The following KCNH7 variants were observed in gnomAD, a reference collection of about 807,000 sequenced individuals.
KCNH7 encodes the protein voltage-gated inwardly rectifying potassium channel KCNH7.
In KCNH7, 49 loss-of-function variants were observed where a neutral mutation model predicts 120.8. The observed-to-expected ratio is 0.41, with a 90% confidence interval of 0.32 to 0.51. KCNH7 has a LOEUF of 0.51. Ranked by LOEUF, KCNH7 falls within the 20% of genes least tolerant of loss-of-function variation. The probability of loss-of-function intolerance (pLI) is 0.38; values close to 1 mark genes in which losing one functional copy is unlikely to be tolerated. For missense variants in KCNH7, 1,097 were observed against 1,446.6 expected (o/e 0.76, Z 3.92); for synonymous variants, 547 against 516.1 (o/e 1.06, Z -0.81).
At chr2:162,520,835 C>T (rs1691498499) in intron 3 of KCNH7, among the ~76,000 whole-genome samples, 1 of 151,744 alleles carries the variant, frequency 6.6e-6, no homozygotes, top group Non-Finnish European at 1.5e-5. Context: ...CCCTGTGCTC[C>T]CCTGCTACCA....
At chr2:162,423,222 G>A (rs748017473) in intron 9 of KCNH7, 114 bp downstream of exon 9, 30 of 1,588,898 alleles carry the variant, frequency 1.9e-5, no homozygotes, top group Admixed American at 3.4e-5. Flanking sequence ...ATACACATCC[G>A]AGAGAAGAAA....
chr2:162,830,656 G>A (rs1479219928), intron 2 of KCNH7, among the ~76,000 whole-genome samples: 1 of 152,118 alleles, frequency 6.6e-6, no homozygotes, highest in East Asian at 1.9e-4. Flanking sequence ...CCCAACATGA[G>A]AGTAGTAAGA....
intron 3 of KCNH7, among the ~76,000 whole-genome samples, chr2:162,535,768 G>T (rs1009694294): frequency 6.6e-6 from 1 of 151,584 alleles, no homozygotes; most frequent in African/African-American, 2.4e-5. Context: ...AAGGGATCAT[G>T]GTATATTAGT....
At chr2:162,425,371 A>G (rs1396161529) in intron 8 of KCNH7, among the ~76,000 whole-genome samples, 1 of 152,020 alleles carries the variant, frequency 6.6e-6, no homozygotes, top group African/African-American at 2.4e-5. Context: ...GTGAGGCTGA[A>G]TTGGCATGTA....
intron 2 of KCNH7, among the ~76,000 whole-genome samples, chr2:162,682,277 C>T (rs981896005): frequency 5.3e-5 from 8 of 151,698 alleles, no homozygotes; most frequent in African/African-American, 1.9e-4. Flanking sequence ...AGAATGATAA[C>T]ACATACATGT....
intron 3 of KCNH7, among the ~76,000 whole-genome samples, chr2:162,521,737 AT>A (rs1691532451): frequency 1.3e-5 from 2 of 151,848 alleles, no homozygotes; most frequent in Admixed American, 6.6e-5. Context: ...AGCATTTATC[AT>A]TTTTTGTGTC....
intron 2 of KCNH7, among the ~76,000 whole-genome samples, chr2:162,696,903 T>G (rs1686311502): frequency 6.6e-6 from 1 of 151,910 alleles, no homozygotes; most frequent in African/African-American, 2.4e-5. Context: ...TTTAAAACTC[T>G]AACTGGTCTT....
chr2:162,695,329 G>A (rs955504780), intron 2 of KCNH7, among the ~76,000 whole-genome samples: 3 of 152,082 alleles, frequency 2.0e-5, no homozygotes, highest in African/African-American at 7.2e-5. Flanking sequence ...TAGGGAGGGT[G>A]GTGATGGTTG....
intron 2 of KCNH7, among the ~76,000 whole-genome samples, chr2:162,572,219 A>T (rs549479043): frequency 1.3e-5 from 2 of 152,112 alleles, no homozygotes; most frequent in East Asian, 3.9e-4. Flanking sequence ...AAACAACCCC[A>T]TCAAAAAGTG....
At chr2:162,754,967 G>A (rs568859465) in intron 2 of KCNH7, among the ~76,000 whole-genome samples, 3 of 152,094 alleles carry the variant, frequency 2.0e-5, no homozygotes, top group East Asian at 1.9e-4. Context: ...CTATTCTGTC[G>A]TGAATCTAAT....
chr2:162,693,181 T>C (rs1457567465), intron 2 of KCNH7, among the ~76,000 whole-genome samples: 2 of 152,186 alleles, frequency 1.3e-5, no homozygotes, highest in African/African-American at 4.8e-5. Flanking sequence ...CTTGTTAAAA[T>C]TGCTCATTGA....
intron 12 of KCNH7, among the ~76,000 whole-genome samples, chr2:162,390,584 C>T (rs1301625163): frequency 6.6e-6 from 1 of 151,906 alleles, no homozygotes; most frequent in Non-Finnish European, 1.5e-5. Context: ...TTTTATTCTT[C>T]ACTTTCTGTA....
In KCNH7 at chr2:162,376,030, A is replaced by C. The variant is rs935347230; in HGVS notation, c.3132-2368T>G. Among the ~76,000 whole-genome samples, 2 of 152,174 alleles carry C rather than the reference A, an allele frequency of 1.3e-5. 1 individual carries two copies. The highest frequency in any genetic ancestry group is 3.8e-4 in the East Asian group (2 of 5,200). ...AAACAGAAAATAACATAGTTTTAGA[A>C]CTTTTTCTTCTGTCAGCATAATTAT... is the stretch of plus-strand genomic sequence containing the variant. On this transcript the variant is annotated intron_variant, in intron 14 of 15. Coordinates refer to ENST00000332142, the MANE Select transcript of KCNH7 (RefSeq NM_033272.4).
At chr2:162,613,927 TTAAA>T (rs1199370104) in intron 2 of KCNH7, among the ~76,000 whole-genome samples, 1 of 151,334 alleles carries the variant, frequency 6.6e-6, no homozygotes, top group Non-Finnish European at 1.5e-5. Flanking sequence ...AAGTAGAAAC[TTAAA>T]TAATCCTTCC....
At chr2:162,731,219 C>CAT (rs59151335) in intron 2 of KCNH7, among the ~76,000 whole-genome samples, 5,912 of 138,970 alleles carry the variant, frequency 0.043, 161 homozygotes, top group Middle Eastern at 0.093. Context: ...TGCATACATA[C>CAT]ATATATATAT....
At chr2:162,695,225 G>A (rs577425783) in intron 2 of KCNH7, among the ~76,000 whole-genome samples, 56 of 152,130 alleles carry the variant, frequency 3.7e-4, no homozygotes, top group East Asian at 1.4e-3. Context: ...GAAACGTATC[G>A]GTTGGGTTAT....
chr2:162,527,088 C>G (rs1329672670), intron 3 of KCNH7, among the ~76,000 whole-genome samples: 3 of 151,926 alleles, frequency 2.0e-5, no homozygotes, highest in African/African-American at 7.2e-5. Context: ...TTTTCTTGAT[C>G]TTAGAAATAG....
intron 6 of KCNH7, among the ~76,000 whole-genome samples, chr2:162,494,842 T>C (rs1262336792): frequency 6.6e-6 from 1 of 152,130 alleles, no homozygotes; most frequent in Non-Finnish European, 1.5e-5. Context: ...GCTGAAATGC[T>C]CATGAATATC....
chr2:162,685,627 A>T (rs1299127695), intron 2 of KCNH7, among the ~76,000 whole-genome samples: 2 of 151,984 alleles, frequency 1.3e-5, no homozygotes, highest in East Asian at 3.9e-4. Flanking sequence ...CTGAAAACTG[A>T]AGCAAAGGAA....
Sources: gnomAD v4.1 joint callset for allele counts (sites outside exome capture counted in the v4.1 genomes callset) on GRCh38, gnomAD v4.1.1 for gene constraint, MANE v1.5 for transcripts, NCBI Gene and HGNC (gene_info 2026-07-23, HGNC 2026-07-21) for gene names.